Variants in TTLL7 observed in about 807,000 individuals in gnomAD.
The protein encoded by TTLL7 is tubulin tyrosine ligase like 7, also known as tubulin polyglutamylase TTLL7.
A neutral mutation model predicts 120.2 loss-of-function variants in TTLL7; 53 were observed. The observed-to-expected ratio is 0.44, with a 90% confidence interval of 0.35 to 0.55. The LOEUF (loss-of-function observed/expected upper bound fraction) is 0.55. Ranked by LOEUF, TTLL7 falls within the 20% of genes least tolerant of loss-of-function variation. TTLL7 has a pLI of 0.00. For missense variants in TTLL7, 803 were observed against 1,054.7 expected (o/e 0.76, Z 3.31); for synonymous variants, 353 against 351.7 (o/e 1.00, Z -0.04).
At chr1:83,940,538 C>T (rs1360879449) in intron 7 of TTLL7, among the ~76,000 whole-genome samples, 1 of 152,104 alleles carries the variant, frequency 6.6e-6, no homozygotes, top group East Asian at 1.9e-4. Context: ...ATGAGTAATA[C>T]ACCATCCATC....
intron 10 of TTLL7, among the ~76,000 whole-genome samples, chr1:83,927,790 T>C (rs1247785592): frequency 2.0e-5 from 3 of 152,170 alleles, no homozygotes; most frequent in Non-Finnish European, 4.4e-5. Context: ...ATTAATTCTA[T>C]TTAATAAATA....
At chr1:83,919,636 G>A (rs1658478540) in intron 13 of TTLL7, 63 bp downstream of exon 13, 20 of 1,423,544 alleles carry the variant, frequency 1.4e-5, no homozygotes, top group Middle Eastern at 2.6e-4. Flanking sequence ...AAGGTGGCTT[G>A]TCTGTAAAGA....
rs1233632174 is a variant in TTLL7, at chr1:83,869,847, A to G, written c.*115T>C. On this transcript the variant is annotated 3_prime_UTR_variant, in exon 21 of 21. Transcript: ENST00000260505. ...TATGTGCATATATTTTCACACATAT[A>G]TATGTCTTATATACATAAAACAGCA... The G allele has an allele frequency of 2.7e-6, 3 of 1,103,672 alleles. No individual in the cohort carries two copies. Among genetic ancestry groups the G allele is most frequent in the Non-Finnish European group, 3.8e-6 (3 of 782,676 alleles). The allele number at this position is 1,103,672 out of a possible 1,614,324, so 68.4% of individuals were successfully genotyped here. A position where few individuals can be genotyped will look rare whatever the true frequency, so the allele number is the denominator to read the frequency against.
chr1:83,964,567 T>C (rs1264349901), intron 1 of TTLL7, among the ~76,000 whole-genome samples: 2 of 152,170 alleles, frequency 1.3e-5, no homozygotes, highest in African/African-American at 4.8e-5. Context: ...CATCATCTTA[T>C]TGGGTGTTCC....
chr1:83,993,928 T>A (rs1653233037), intron 1 of TTLL7, among the ~76,000 whole-genome samples: 1 of 152,180 alleles, frequency 6.6e-6, no homozygotes, highest in Non-Finnish European at 1.5e-5. Context: ...CTTATTTAAG[T>A]TTAACTTTTC....
chr1:83,947,080 A>T (rs764494116), intron 6 of TTLL7, 44 bp downstream of exon 6: 1 of 1,516,000 alleles, frequency 6.6e-7, no homozygotes, highest in East Asian at 2.4e-5. Flanking sequence ...CCCACTCCCA[A>T]ATTTTTTTTT....
chr1:83,950,421 T>G (rs1053675317), intron 3 of TTLL7, among the ~76,000 whole-genome samples: 4 of 152,180 alleles, frequency 2.6e-5, no homozygotes, highest in African/African-American at 9.7e-5. Context: ...CCTCCCTAGT[T>G]CAAATTATTT....
At chr1:83,965,114 TA>T (rs1650335130) in intron 1 of TTLL7, among the ~76,000 whole-genome samples, 2 of 346 alleles carry the variant, frequency 5.8e-3, no homozygotes, top group Admixed American at 0.026. Flanking sequence ...CCAGTCAATC[TA>T]TTTTTTTTTA....
chr1:83,977,192 T>G (rs772687596), intron 1 of TTLL7, among the ~76,000 whole-genome samples: 4 of 152,054 alleles, frequency 2.6e-5, no homozygotes, highest in Admixed American at 6.6e-5. Flanking sequence ...TAAATACTAG[T>G]CAGTATGTAA....
Position 83,952,262 on chromosome 1 carries a change from A to AG in TTLL7, c.-52dup, listed in dbSNP as rs1289432435. ...GTGTGTGCTGCTGTACCAAGCTCTC[A>AG]GGAAATCTGGAAATTCCACATTAGT... On this transcript the variant is annotated 5_prime_UTR_variant, in exon 2 of 21. It removes the in-frame stop codon of an upstream open reading frame in the 5' UTR. Transcript: ENST00000260505. The AG allele has an allele frequency of 6.2e-7, 1 of 1,608,532 alleles. No individual in the cohort carries two copies. Among genetic ancestry groups the AG allele is most frequent in the East Asian group, 2.2e-5 (1 of 44,774 alleles).
At position 83,898,084 on chromosome 1, in the gene TTLL7, A is replaced by C. The variant is rs1408843414; in HGVS notation, c.2208+5995T>G. Among the ~76,000 whole-genome samples, 5 of 151,974 alleles carry C rather than the reference A, an allele frequency of 3.3e-5. No homozygotes were observed. The East Asian group carries it at 5.8e-4, about 18-fold the overall frequency. Reference sequence around the variant, plus strand: ...TAATTCTGCACTCCACAGGTGACCTACATTTCCAGGTTTCTTTTAGTTTCT... The same window carrying C: ...TAATTCTGCACTCCACAGGTGACCTCCATTTCCAGGTTTCTTTTAGTTTCT... On this transcript the variant is annotated intron_variant, in intron 18 of 20. Coordinates refer to ENST00000260505, the MANE Select transcript of TTLL7 (RefSeq NM_024686.6).
chr1:83,925,105 A>AAGG (rs1408170220), intron 10 of TTLL7, among the ~76,000 whole-genome samples: 1 of 152,186 alleles, frequency 6.6e-6, no homozygotes, highest in Non-Finnish European at 1.5e-5. Flanking sequence ...CAAAACATAC[A>AAGG]GTCCAACTGT....
chr1:83,959,322 A>G (rs1327981186), intron 1 of TTLL7, among the ~76,000 whole-genome samples: 2 of 152,326 alleles, frequency 1.3e-5, no homozygotes, highest in East Asian at 1.9e-4. Context: ...CAGATCCAGG[A>G]AAGTGGGAGA....
chr1:83,910,544 G>A (rs1017729075), intron 15 of TTLL7, among the ~76,000 whole-genome samples: 1 of 151,962 alleles, frequency 6.6e-6, no homozygotes, highest in African/African-American at 2.4e-5. Flanking sequence ...AAGAGAGAGA[G>A]AATGTAAAAA....
At chr1:83,913,419 T>C (rs1391165951) in intron 14 of TTLL7, among the ~76,000 whole-genome samples, 1 of 152,230 alleles carries the variant, frequency 6.6e-6, no homozygotes, top group Non-Finnish European at 1.5e-5. Context: ...TAATGTTTCT[T>C]AGATTCTCAA....
At chr1:83,929,351 G>T in intron 9 of TTLL7, 121 bp from the exon 10 acceptor site, 1 of 633,064 alleles carries the variant, frequency 1.6e-6, no homozygotes. Context: ...AGCTTTACAT[G>T]GCAGATGGCC....
rs1649895918 is a variant in TTLL7, at chr1:83,960,253, CTA to C, written c.-176-7868_-176-7867del. 2.0e-5 allele frequency among the ~76,000 whole-genome samples: 3 copies of C among 152,198 alleles called. No homozygotes were observed. The South Asian group carries it at 6.2e-4, about 32-fold the overall frequency. On this transcript the variant is annotated intron_variant, in intron 1 of 20. Coordinates refer to ENST00000260505, the MANE Select transcript of TTLL7 (RefSeq NM_024686.6). Reference sequence around the variant, plus strand: ...AGCAATGTGAAGTCACTGAAGGACTCTAAGAGGAGTAATATAATCCAGATTTA... The same window carrying C: ...AGCAATGTGAAGTCACTGAAGGACTCAGAGGAGTAATATAATCCAGATTTA...
intron 1 of TTLL7, among the ~76,000 whole-genome samples, chr1:83,956,107 A>T (rs1475417669): frequency 3.9e-5 from 6 of 152,130 alleles, no homozygotes; most frequent in Non-Finnish European, 8.8e-5. Context: ...CTTTAAAAAA[A>T]TTTTATTTAT....
intron 1 of TTLL7, chr1:83,980,637 T>C (rs1290045716): frequency 6.6e-6 from 1 of 152,176 alleles, no homozygotes; most frequent in Non-Finnish European, 1.5e-5. Flanking sequence ...AAGAATGGCT[T>C]CAGGAAGCTC....
Sources: gnomAD v4.1 joint callset for allele counts (sites outside exome capture counted in the v4.1 genomes callset) on GRCh38, gnomAD v4.1.1 for gene constraint, MANE v1.5 for transcripts, NCBI Gene and HGNC (gene_info 2026-07-23, HGNC 2026-07-21) for gene names.